Variants in EFR3B observed in about 807,000 individuals in gnomAD.
EFR3B encodes protein EFR3 homolog B.
EFR3B carries 64 observed loss-of-function variants against 104.7 expected under a neutral mutation model. That is an observed-to-expected ratio of 0.61 (90% CI 0.50 to 0.75). The LOEUF (loss-of-function observed/expected upper bound fraction) is 0.75. EFR3B is among the 30% of genes least tolerant of loss of function. The pLI, the probability that EFR3B is intolerant of heterozygous loss-of-function variation, is 0.00. For synonymous variants in EFR3B, 385 were observed against 417.9 expected, an observed-to-expected ratio of 0.92 and a Z score of 0.96; for missense variants, 750 against 1,078.5, an observed-to-expected ratio of 0.70 and a Z score of 4.27.
At chr2:25,064,498 G>T (rs1166098520) in intron 1 of EFR3B, among the ~76,000 whole-genome samples, 1 of 152,174 alleles carries the variant, frequency 6.6e-6, no homozygotes, top group Non-Finnish European at 1.5e-5. Flanking sequence ...TGGGAAAGGG[G>T]AAAGCATGAA....
chr2:25,096,081 T>C (rs1164285855), intron 3 of EFR3B, among the ~76,000 whole-genome samples: 8 of 151,956 alleles, frequency 5.3e-5, no homozygotes. Flanking sequence ...ATTGGTGTGA[T>C]CTTGGCTCAC....
intron 3 of EFR3B, among the ~76,000 whole-genome samples, chr2:25,100,445 C>A (rs1343359226): frequency 6.6e-6 from 1 of 152,166 alleles, no homozygotes; most frequent in Non-Finnish European, 1.5e-5. Context: ...TGACCTGATT[C>A]CTGGGCACCC....
At chr2:25,138,624 A>G (rs1045484671) in intron 15 of EFR3B, among the ~76,000 whole-genome samples, 1 of 152,190 alleles carries the variant, frequency 6.6e-6, no homozygotes, top group Non-Finnish European at 1.5e-5. Flanking sequence ...GGGTTCCTTT[A>G]TATCCCAATC....
rs1274000535 is a variant in EFR3B at position 25,137,862 on chromosome 2, A to G, written c.1722+360A>G. On this transcript the variant is annotated intron_variant, in intron 15 of 22. Coordinates refer to ENST00000403714, the MANE Select transcript of EFR3B (RefSeq NM_014971.2). This position sits in a 1 kb window ranked among gnomAD's most constrained non-coding sequence, Gnocchi z 4.7. ...GCCCTGAGTGATCCCAGACAAACTC[A>G]TTTGTCTAAAGATTCTCTGGTTCCC... Among the ~76,000 whole-genome samples, 1 of 152,096 alleles carries G rather than the reference A, an allele frequency of 6.6e-6. No homozygotes were observed. Among genetic ancestry groups the G allele is most frequent in the African/African-American group, 2.4e-5 (1 of 41,418 alleles).
intron 1 of EFR3B, among the ~76,000 whole-genome samples, chr2:25,049,890 G>A (rs1284153216): frequency 6.6e-6 from 1 of 151,388 alleles, no homozygotes; most frequent in Non-Finnish European, 1.5e-5. Context: ...CGAGGTGGGT[G>A]GATCACCTGA....
chr2:25,143,741 T>C lies in EFR3B; in HGVS notation c.1929T>C (p.Ser643=), dbSNP rs1670742128. 1.3e-6 allele frequency: 2 copies of C among 1,551,328 alleles called. No homozygotes were observed. The highest frequency in any genetic ancestry group is 3.9e-5 in the Admixed American group (2 of 50,938). The change falls in exon 18 of 23, where the codon TCT becomes TCC. Residue 643 remains serine (S), a synonymous_variant. Coordinates refer to ENST00000403714, the MANE Select transcript of EFR3B (RefSeq NM_014971.2). The part of the protein sequence containing the change: ...EDVFVERPRL[S]QNLDGVVIEL... ...TCCCTCCTTCATCTTCCAGGCTGTC[T>C]CAGAATCTTGATGGGGTGGTCATTG...
At chr2:25,107,046 C>T (rs899830422) in intron 4 of EFR3B, among the ~76,000 whole-genome samples, 3 of 151,940 alleles carry the variant, frequency 2.0e-5, no homozygotes, top group Non-Finnish European at 4.4e-5. Context: ...AGAGATGGGA[C>T]GCCAAGAAGC....
intron 1 of EFR3B, among the ~76,000 whole-genome samples, chr2:25,063,200 G>T (rs1410932267): frequency 6.6e-5 from 10 of 151,250 alleles, no homozygotes; most frequent in Admixed American, 2.0e-4. Flanking sequence ...TCAGCCTCCC[G>T]AAGTGCTGGG....
At chr2:25,112,922 G>A (rs921150881) in intron 4 of EFR3B, among the ~76,000 whole-genome samples, 69 of 152,160 alleles carry the variant, frequency 4.5e-4, no homozygotes, top group Non-Finnish European at 5.9e-5. Context: ...TCTTCTGTTT[G>A]GAGAGACTTG....
chr2:25,109,020 A>T (rs145873324), intron 4 of EFR3B, among the ~76,000 whole-genome samples: 76 of 152,272 alleles, frequency 5.0e-4, no homozygotes, highest in African/African-American at 1.3e-3. Context: ...AATAAAAAAT[A>T]AAATTAAATT....
At chr2:25,068,090 G>A (rs866633442) in intron 1 of EFR3B, among the ~76,000 whole-genome samples, 1 of 152,132 alleles carries the variant, frequency 6.6e-6, no homozygotes, top group Non-Finnish European at 1.5e-5. Flanking sequence ...CCCAGACATG[G>A]GCTTTCTGAG....
chr2:25,077,389 G>A (rs941310845), intron 1 of EFR3B, among the ~76,000 whole-genome samples: 1 of 152,176 alleles, frequency 6.6e-6, no homozygotes, highest in South Asian at 2.1e-4. Flanking sequence ...CTAGGTTGAA[G>A]CAATTCTCCT....
chr2:25,102,245 G>GGA (rs1231676924), intron 3 of EFR3B, among the ~76,000 whole-genome samples: 1 of 152,192 alleles, frequency 6.6e-6, no homozygotes, highest in Non-Finnish European at 1.5e-5. Context: ...GCTGGAGGTA[G>GGA]GAGATGGCAT....
chr2:25,137,361 A>T lies in EFR3B; in HGVS notation c.1581A>T (p.Arg527Ser). The change falls in exon 15 of 23, where the codon AGA becomes AGT. Residue 527 changes from arginine to serine, a missense_variant. Arg to Ser is a moderately radical substitution (Grantham distance 110). Transcript: ENST00000403714. The surrounding 1 kb of genome is among the most constrained non-coding windows in gnomAD (Gnocchi z 4.7). ...FMKKHSQQLYRHIYLSCKEET... is the reference protein window; with the variant it reads ...FMKKHSQQLYSHIYLSCKEET... Reference sequence around the variant, plus strand: ...CCCAGCACTCCCAGCAGCTCTACAGACACATCTACCTGAGCTGCAAGGAGG... The same window carrying T: ...CCCAGCACTCCCAGCAGCTCTACAGTCACATCTACCTGAGCTGCAAGGAGG... 6.4e-7 allele frequency: 1 copy of T among 1,552,096 alleles called. No homozygotes were observed. Among genetic ancestry groups the T allele is most frequent in the Non-Finnish European group, 8.7e-7 (1 of 1,147,102 alleles).
chr2:25,139,338 C>A, intron 16 of EFR3B, 148 bp downstream of exon 16: 1 of 1,030,932 alleles, frequency 9.7e-7, no homozygotes, highest in Non-Finnish European at 1.3e-6. Context: ...AGAAGTTACT[C>A]GTGGCATCTT....
At chr2:25,123,017 T>C (rs760313672) in intron 5 of EFR3B, among the ~76,000 whole-genome samples, 1 of 152,126 alleles carries the variant, frequency 6.6e-6, no homozygotes, top group Non-Finnish European at 1.5e-5. Context: ...ATAAAAACAC[T>C]TAGCTCACAG....
At position 25,131,351 on chromosome 2, in the gene EFR3B, T is replaced by G. The variant is rs1216026832; in HGVS notation, c.850-17T>G. 1.3e-6 allele frequency: 2 copies of G among 1,549,042 alleles called. No homozygotes were observed. The highest frequency in any genetic ancestry group is 4.9e-5 in the East Asian group (2 of 40,870). The stretch of plus-strand genomic sequence containing the variant: ...CGTGGGGTTGCTGTCCAGGCCCAGC[T>G]CATCTTCCTCCCGCAGCCGCAGCAC... On this transcript the variant is annotated splice_polypyrimidine_tract_variant and intron_variant, in intron 8 of 22. Coordinates refer to ENST00000403714, the MANE Select transcript of EFR3B (RefSeq NM_014971.2). This position sits in a 1 kb window ranked among gnomAD's most constrained non-coding sequence, Gnocchi z 7.6.
chr2:25,120,256 C>T (rs6545951), intron 4 of EFR3B, among the ~76,000 whole-genome samples: 18,065 of 151,752 alleles, frequency 0.12, 2,068 homozygotes, highest in African/African-American at 0.29. Context: ...GAGGCTGAGT[C>T]GGGAGAATCG....
chr2:25,056,515 C>T (rs1046313956), intron 1 of EFR3B, among the ~76,000 whole-genome samples: 2 of 150,662 alleles, frequency 1.3e-5, no homozygotes, highest in Non-Finnish European at 2.9e-5. Context: ...ATCTCGTTGC[C>T]TGGAAGCAGC....
Sources: gnomAD v4.1 joint callset for allele counts (sites outside exome capture counted in the v4.1 genomes callset) on GRCh38, gnomAD v4.1.1 for gene constraint, Gnocchi (gnomAD v3.1) non-coding constraint, MANE v1.5 for transcripts, NCBI Gene and HGNC (gene_info 2026-07-23, HGNC 2026-07-21) for gene names.